DLGAP1: variants seen among roughly 807,000 people sequenced by gnomAD.
DLGAP1 encodes DLG associated protein 1.
DLGAP1 carries 11 observed loss-of-function variants against 90.8 expected under a neutral mutation model. That is an observed-to-expected ratio of 0.12 (90% CI 0.08 to 0.20). The LOEUF is 0.20. Among genes scored for constraint, DLGAP1 ranks in the 10% least tolerant of loss-of-function variants. The pLI is 1.00. For synonymous variants in DLGAP1, 558 were observed against 540.7 expected, an observed-to-expected ratio of 1.03 and a Z score of -0.44; for missense variants, 1,050 against 1,333.8, an observed-to-expected ratio of 0.79 and a Z score of 3.31.
intron 5 of DLGAP1, among the ~76,000 whole-genome samples, chr18:3,745,224 G>C (rs752311654): frequency 1.3e-5 from 2 of 152,092 alleles, no homozygotes; most frequent in East Asian, 3.8e-4. Context: ...ATATCTGAAG[G>C]GTATGGAGTT....
chr18:3,992,688 A>G (rs991370839), intron 3 of DLGAP1, among the ~76,000 whole-genome samples: 1 of 152,166 alleles, frequency 6.6e-6, no homozygotes, highest in Non-Finnish European at 1.5e-5. Context: ...AAATAAATAA[A>G]TAAATAAATG....
At chr18:4,364,836 A>C (rs1296879733) in intron 1 of DLGAP1, among the ~76,000 whole-genome samples, 1 of 151,698 alleles carries the variant, frequency 6.6e-6, no homozygotes, top group Non-Finnish European at 1.5e-5. Flanking sequence ...GCTGTGTCCC[A>C]GTGATTCTGG....
At chr18:4,409,122 G>C (rs1391932250) in intron 1 of DLGAP1, among the ~76,000 whole-genome samples, 2 of 151,824 alleles carry the variant, frequency 1.3e-5, no homozygotes, top group Non-Finnish European at 2.9e-5. Flanking sequence ...TTTAAAAAAT[G>C]GTAACTTAGG....
At chr18:3,586,035 C>T (rs1288848649) in intron 7 of DLGAP1, among the ~76,000 whole-genome samples, 1 of 152,150 alleles carries the variant, frequency 6.6e-6, no homozygotes, top group East Asian at 1.9e-4. Flanking sequence ...AGCTCATCTT[C>T]GCTATCGATA....
At chr18:3,705,615 A>G (rs1598407948) in intron 7 of DLGAP1, among the ~76,000 whole-genome samples, 2 of 151,228 alleles carry the variant, frequency 1.3e-5, no homozygotes, top group South Asian at 4.2e-4. Flanking sequence ...ATTTTAACTA[A>G]GGTGACCATA....
intron 1 of DLGAP1, among the ~76,000 whole-genome samples, chr18:4,299,384 T>G (rs1198674088): frequency 2.0e-5 from 3 of 152,124 alleles, no homozygotes; most frequent in African/African-American, 4.8e-5. Context: ...TGTGTTTGAT[T>G]TTTTTAATTC....
Position 3,814,079 on chromosome 18 carries a change from A to G in DLGAP1, c.1152T>C (p.Leu384=). Residue 384 remains leucine, a synonymous_variant, in exon 5 of 13, where the codon CTT becomes CTC. Coordinates refer to ENST00000315677, the MANE Select transcript of DLGAP1 (RefSeq NM_004746.4). ...CTCACTTGAGTGTGGTGAGTTCTGT[A>G]AGGGATGGCTGAGTAGCCTTGAGAT... ...ESYLKATQPS[L]TELTTLKISN... is the part of the protein sequence containing the mutation. 1 of 1,614,094 alleles carries G rather than the reference A, an allele frequency of 6.2e-7. No homozygotes were observed. Among genetic ancestry groups the G allele is most frequent in the Non-Finnish European group, 8.5e-7 (1 of 1,179,994 alleles).
chr18:4,094,165 G>A (rs1028327862), intron 2 of DLGAP1, among the ~76,000 whole-genome samples: 10 of 151,970 alleles, frequency 6.6e-5, no homozygotes, highest in African/African-American at 2.4e-4. Context: ...TGTATTATGT[G>A]GGACTTCTAA....
At chr18:4,435,945 G>A (rs1174766847) in intron 1 of DLGAP1, among the ~76,000 whole-genome samples, 1 of 152,102 alleles carries the variant, frequency 6.6e-6, no homozygotes, top group Non-Finnish European at 1.5e-5. Context: ...TGCGCACACA[G>A]GTGTCACAAA....
chr18:4,263,578 A>G (rs1286923862), intron 1 of DLGAP1, among the ~76,000 whole-genome samples: 1 of 152,202 alleles, frequency 6.6e-6, no homozygotes, highest in Non-Finnish European at 1.5e-5. Context: ...GATGAAAAAT[A>G]CTTCCATTAA....
At chr18:3,512,839 G>A (rs2050621618) in intron 10 of DLGAP1, among the ~76,000 whole-genome samples, 1 of 152,198 alleles carries the variant, frequency 6.6e-6, no homozygotes, top group Non-Finnish European at 1.5e-5. Context: ...GAAGCTATCC[G>A]AGTGTGATTT....
intron 1 of DLGAP1, among the ~76,000 whole-genome samples, chr18:4,195,734 G>A (rs556033544): frequency 2.6e-5 from 4 of 152,136 alleles, no homozygotes; most frequent in Non-Finnish European, 4.4e-5. Context: ...TGTATTTTTA[G>A]TAGAGACAGT....
At chr18:4,153,441 C>T (rs1040755264) in intron 1 of DLGAP1, among the ~76,000 whole-genome samples, 3 of 152,206 alleles carry the variant, frequency 2.0e-5, no homozygotes, top group African/African-American at 7.2e-5. Context: ...TTGGTGACAG[C>T]ACTGAGATTA....
intron 1 of DLGAP1, among the ~76,000 whole-genome samples, chr18:4,403,085 T>C (rs904357262): frequency 6.6e-6 from 1 of 152,234 alleles, no homozygotes. Flanking sequence ...GTGTATTTTC[T>C]ACATTAATTA....
chr18:4,390,577 T>C (rs71358050), intron 1 of DLGAP1, among the ~76,000 whole-genome samples: 1,641 of 152,304 alleles, frequency 0.011, 9 homozygotes, highest in Non-Finnish European at 0.017. Context: ...ACTATCTCCA[T>C]TGTTCTGACC....
At chr18:3,701,642 T>C (rs1226501344) in intron 7 of DLGAP1, among the ~76,000 whole-genome samples, 1 of 152,150 alleles carries the variant, frequency 6.6e-6, no homozygotes, top group African/African-American at 2.4e-5. Flanking sequence ...GGGTCTAAAG[T>C]AGAGAAGAGG....
At chr18:4,252,193 A>G (rs985863114) in intron 1 of DLGAP1, among the ~76,000 whole-genome samples, 1 of 152,218 alleles carries the variant, frequency 6.6e-6, no homozygotes, top group African/African-American at 2.4e-5. Context: ...TCTGCAAATC[A>G]GGAGAGTTTT....
intron 1 of DLGAP1, among the ~76,000 whole-genome samples, chr18:4,449,364 C>A (rs1337302434): frequency 6.6e-6 from 1 of 152,170 alleles, no homozygotes; most frequent in Non-Finnish European, 1.5e-5. Flanking sequence ...TGTAGCACTG[C>A]GTAGCCCATC....
intron 1 of DLGAP1, among the ~76,000 whole-genome samples, chr18:4,357,346 G>A (rs2081543570): frequency 6.6e-6 from 1 of 151,552 alleles, no homozygotes; most frequent in Non-Finnish European, 1.5e-5. Flanking sequence ...TAGAGATGGG[G>A]TTTCACCATT....
Sources: allele counts gnomAD v4.1 joint callset (sites outside exome capture counted in the v4.1 genomes callset), GRCh38; gene constraint gnomAD v4.1.1; transcripts MANE v1.5; gene names NCBI Gene and HGNC (gene_info 2026-07-23, HGNC 2026-07-21).